Variants in UBR1 observed in about 807,000 individuals in gnomAD.
The protein encoded by UBR1 is E3 ubiquitin-protein ligase UBR1.
UBR1 carries 102 observed loss-of-function variants against 242.1 expected under a neutral mutation model. The ratio of observed to expected loss-of-function variants is 0.42; its 90% CI spans 0.36 to 0.50. UBR1 has a LOEUF of 0.50. Among genes scored for constraint, UBR1 ranks in the 20% least tolerant of loss-of-function variants. The pLI is 0.01. For missense variants in UBR1, 1,772 were observed against 2,101.8 expected (o/e 0.84, Z 3.07); for synonymous variants, 675 against 684.8 (o/e 0.99, Z 0.22).
rs1462233915 is a variant in UBR1 at position 43,067,886 on chromosome 15, G to C, written c.798+12C>G. The C allele has an allele frequency of 6.2e-6, 10 of 1,613,854 alleles. No homozygotes were observed. Among genetic ancestry groups the C allele is most frequent in the Non-Finnish European group, 8.5e-6 (10 of 1,179,940 alleles). The stretch of plus-strand genomic sequence containing the variant: ...AGAAAACAGAAACGCAATTCAAAAG[G>C]AGACCACAAACCTCTTTGTCAATGG... On this transcript the variant is annotated intron_variant, in intron 6 of 46. Transcript: ENST00000290650.
chr15:43,012,352 C>G (rs555896078), intron 29 of UBR1, among the ~76,000 whole-genome samples: 4 of 151,934 alleles, frequency 2.6e-5, no homozygotes, highest in African/African-American at 4.8e-5. Flanking sequence ...CTAGAAAACA[C>G]GAAACAAGCC....
intron 32 of UBR1, among the ~76,000 whole-genome samples, chr15:43,002,300 A>G (rs2032738114): frequency 6.6e-6 from 1 of 152,084 alleles, no homozygotes; most frequent in Non-Finnish European, 1.5e-5. Context: ...TGGAGCTTCA[A>G]TCTCCTGGGC....
chr15:43,061,833 T>C (rs895029050), intron 6 of UBR1, among the ~76,000 whole-genome samples: 9 of 152,040 alleles, frequency 5.9e-5, no homozygotes, highest in Admixed American at 6.6e-5. Flanking sequence ...GGAAGAGGGA[T>C]AAAAGACTAC....
At chr15:43,031,261 A>C (rs1331267058) in intron 20 of UBR1, among the ~76,000 whole-genome samples, 1 of 151,560 alleles carries the variant, frequency 6.6e-6, no homozygotes, top group Non-Finnish European at 1.5e-5. Context: ...AATCACAAGA[A>C]AAAAAAAACA....
rs147284877 is a variant in UBR1 at position 42,977,716 on chromosome 15, T to C, written c.4218+164A>G. Among the ~76,000 whole-genome samples the C allele has an allele frequency of 1.9e-4, 28 of 150,362 alleles. No homozygotes were observed. In the East Asian group the frequency reaches 4.9e-3, roughly 26 times the overall value. The stretch of plus-strand genomic sequence containing the variant: ...TTTTTTTTTAATGATTTTGACAGTC[T>C]CCATCAAATCTGTACCTATTTGTAA... On this transcript the variant is annotated intron_variant, in intron 38 of 46. Coordinates refer to ENST00000290650, the MANE Select transcript of UBR1 (RefSeq NM_174916.3).
chr15:43,049,604 T>A (rs141648957), intron 12 of UBR1, among the ~76,000 whole-genome samples: 153 of 151,966 alleles, frequency 1.0e-3, no homozygotes, highest in African/African-American at 3.6e-3. Flanking sequence ...ACAAAGAAAA[T>A]ACATTTTTTT....
chr15:42,977,750 C>A, intron 38 of UBR1, 130 bp downstream of exon 38: 1 of 726,312 alleles, frequency 1.4e-6, no homozygotes, highest in Non-Finnish European at 2.4e-6. Flanking sequence ...AAACAATGGA[C>A]AGGAGAGACC....
chr15:43,009,209 G>A (rs2032879857), intron 29 of UBR1, among the ~76,000 whole-genome samples: 1 of 152,238 alleles, frequency 6.6e-6, no homozygotes, highest in Non-Finnish European at 1.5e-5. Context: ...CCTCTTTGGG[G>A]CTTCACAGTT....
intron 4 of UBR1, among the ~76,000 whole-genome samples, chr15:43,074,418 G>A (rs1212257635): frequency 6.6e-6 from 1 of 151,914 alleles, no homozygotes; most frequent in Non-Finnish European, 1.5e-5. Context: ...TGTTCATTTA[G>A]GCTTATATGT....
chr15:43,071,056 G>T, intron 4 of UBR1, 131 bp from the exon 5 acceptor site: 1 of 1,257,092 alleles, frequency 8.0e-7, no homozygotes. Flanking sequence ...AATTCAAGTT[G>T]AGCTCAAGAG....
chr15:43,060,693 T>C (rs530696245), intron 6 of UBR1, among the ~76,000 whole-genome samples: 93 of 152,218 alleles, frequency 6.1e-4, no homozygotes, highest in African/African-American at 2.1e-3. Context: ...ACCTTTACAA[T>C]GACCCTATGA....
Position 42,964,018 on chromosome 15 carries a change from T to C in UBR1, c.4617A>G (p.Ala1539=). The change falls in exon 42 of 47, where the codon GCA becomes GCG. Residue 1539 remains alanine (A), a synonymous_variant. Coordinates refer to ENST00000290650, the MANE Select transcript of UBR1 (RefSeq NM_174916.3). ...TAGGTAAAGATAGATAGCTACAGAG[T>C]GCACTGTACTCTCCTTCTGCAGAAT... ...HTNSAEGEYS[A]LCSYLSLPTN... is the part of the protein sequence containing the mutation. 1 of 1,612,968 alleles carries C rather than the reference T, an allele frequency of 6.2e-7. No homozygotes were observed. The highest frequency in any genetic ancestry group is 8.5e-7 in the Non-Finnish European group (1 of 1,179,180).
At position 43,077,518 on chromosome 15, in the gene UBR1, C is replaced by A. The variant is rs1205548176; in HGVS notation, c.418-2429G>T. The stretch of plus-strand genomic sequence containing the variant: ...CCAGGGACACAAACACTGCGGAAGG[C>A]CGCAGGGTCCTCTGCCTAGGAAAAC... On this transcript the variant is annotated intron_variant, in intron 3 of 46. Coordinates refer to ENST00000290650, the MANE Select transcript of UBR1 (RefSeq NM_174916.3). 7.3e-5 allele frequency among the ~76,000 whole-genome samples: 11 copies of A among 151,382 alleles called. No individual in the cohort carries two copies. The East Asian group carries it at 2.1e-3, about 29-fold the overall frequency.
At chr15:42,968,063 GGGCC>G (rs1421606750) in intron 40 of UBR1, among the ~76,000 whole-genome samples, 8 of 151,764 alleles carry the variant, frequency 5.3e-5, no homozygotes, top group Non-Finnish European at 1.0e-4. Flanking sequence ...TACTCAATAA[GGGCC>G]TTAACCTGTA....
intron 31 of UBR1, among the ~76,000 whole-genome samples, chr15:43,002,999 C>T (rs889212712): frequency 1.3e-5 from 2 of 152,148 alleles, no homozygotes; most frequent in African/African-American, 2.4e-5. Flanking sequence ...CACTACTTTC[C>T]TCAGTTTCTA....
At chr15:43,064,798 G>A (rs1044312526) in intron 6 of UBR1, among the ~76,000 whole-genome samples, 7 of 151,728 alleles carry the variant, frequency 4.6e-5, no homozygotes, top group Non-Finnish European at 5.9e-5. Context: ...CTAGTCTCCC[G>A]ACCTCAGGTG....
chr15:43,022,455 G>A (rs1417515471), intron 26 of UBR1, among the ~76,000 whole-genome samples: 2 of 151,626 alleles, frequency 1.3e-5, no homozygotes, highest in African/African-American at 4.8e-5. Context: ...AAAAAGTGGG[G>A]CGATCATGTA....
intron 25 of UBR1, among the ~76,000 whole-genome samples, chr15:43,023,358 T>G (rs9920904): frequency 0.86 from 130,186 of 151,746 alleles, 55,955 homozygotes; most frequent in Non-Finnish European, 0.89. Flanking sequence ...TTCGGAGGTT[T>G]GGGTGGGTGG....
chr15:43,010,276 T>G (rs1043512773), intron 29 of UBR1, among the ~76,000 whole-genome samples: 8 of 152,178 alleles, frequency 5.3e-5, no homozygotes, highest in African/African-American at 1.9e-4. Context: ...TGTCACAAGG[T>G]TCTAGTGGGC....
Sources: allele counts gnomAD v4.1 joint callset (sites outside exome capture counted in the v4.1 genomes callset), GRCh38; gene constraint gnomAD v4.1.1; transcripts MANE v1.5; gene names NCBI Gene and HGNC (gene_info 2026-07-23, HGNC 2026-07-21).